Variants in NRXN3 observed in about 807,000 individuals in gnomAD.
NRXN3 encodes the protein neurexin 3.
A neutral mutation model predicts 137.6 loss-of-function variants in NRXN3; 32 were observed. The ratio of observed to expected loss-of-function variants is 0.23; its 90% CI spans 0.18 to 0.31. NRXN3 has a LOEUF of 0.31. NRXN3 is among the 10% of genes least tolerant of loss of function. The pLI, the probability that NRXN3 is intolerant of heterozygous loss-of-function variation, is 1.00. For missense variants in NRXN3, 1,574 were observed against 2,062.5 expected (o/e 0.76, Z 4.59); for synonymous variants, 798 against 784.5 (o/e 1.02, Z -0.29).
At chr14:79,619,264 G>A (rs2098195287) in intron 16 of NRXN3, among the ~76,000 whole-genome samples, 1 of 152,004 alleles carries the variant, frequency 6.6e-6, no homozygotes, top group African/African-American at 2.4e-5. Context: ...AGATTTAGTT[G>A]TGCATTCTTT....
At chr14:79,112,697 C>A (rs955004815) in intron 15 of NRXN3, among the ~76,000 whole-genome samples, 2 of 152,200 alleles carry the variant, frequency 1.3e-5, no homozygotes, top group African/African-American at 4.8e-5. Context: ...AGGCTAGTCT[C>A]TGGACTCTGT....
In NRXN3 at chr14:79,467,291, C is replaced by T. The variant is rs2096440565; in HGVS notation, c.3333C>T (p.Pro1111=). 1.2e-6 allele frequency: 2 copies of T among 1,613,456 alleles called. No individual in the cohort carries two copies. Among genetic ancestry groups the T allele is most frequent in the East Asian group, 2.2e-5 (1 of 44,844 alleles). Residue 1111 remains proline, a synonymous_variant, in exon 16 of 21, where the codon CCC becomes CCT. Transcript: ENST00000335750. ...ACACCTGGCCAGCCAATGACAGGCC[C>T]AGCACGCGGTCTGACCGCCTTGCCG... ...ILYTWPANDR[P]STRSDRLAVG... is the part of the protein sequence containing the mutation.
intron 19 of NRXN3, among the ~76,000 whole-genome samples, chr14:79,745,323 A>G (rs2098976349): frequency 6.6e-6 from 1 of 152,146 alleles, no homozygotes; most frequent in Admixed American, 6.6e-5. Context: ...ACATTCAGTG[A>G]ACAATAATAG....
intron 15 of NRXN3, among the ~76,000 whole-genome samples, chr14:79,263,008 T>A (rs1483064374): frequency 1.3e-5 from 2 of 152,194 alleles, no homozygotes; most frequent in African/African-American, 4.8e-5. Context: ...ATGCATGCTG[T>A]CTGTGGCCTG....
Position 79,192,767 on chromosome 14 carries a change from T to TC in NRXN3, c.3262+204626_3262+204627insC, listed in dbSNP as rs202202751. On this transcript the variant is annotated intron_variant, in intron 15 of 20. Coordinates refer to ENST00000335750, the MANE Select transcript of NRXN3 (RefSeq NM_001330195.2). ...AAAAGACATGTACAATTCTCTTAAT[T>TC]TTTTTTTTTTTTTTTTTTTTTGAGA... Among the ~76,000 whole-genome samples, 229 of 79,776 alleles carry TC rather than the reference T, an allele frequency of 2.9e-3. 5 individuals are homozygous for TC. The highest frequency in any genetic ancestry group is 3.6e-3 in the South Asian group (10 of 2,764). 52.3% of individuals were successfully genotyped at this position (79,776 alleles called of 152,430 possible). A position where few individuals can be genotyped will look rare whatever the true frequency, so the allele number is the denominator to read the frequency against.
chr14:79,682,639 C>T (rs1340191196), intron 17 of NRXN3, among the ~76,000 whole-genome samples: 1 of 152,144 alleles, frequency 6.6e-6, no homozygotes, highest in Non-Finnish European at 1.5e-5. Context: ...CTCTCTGATG[C>T]TTGCTTGTTG....
chr14:79,092,952 G>C (rs994698336), intron 15 of NRXN3, among the ~76,000 whole-genome samples: 28 of 152,162 alleles, frequency 1.8e-4, no homozygotes, highest in African/African-American at 6.5e-4. Flanking sequence ...GCAGATCCTA[G>C]AGTTGCGGGT....
At chr14:78,433,028 G>A (rs781259406) in intron 4 of NRXN3, among the ~76,000 whole-genome samples, 6 of 152,180 alleles carry the variant, frequency 3.9e-5, no homozygotes, top group Non-Finnish European at 8.8e-5. Flanking sequence ...AGCAAAAGCA[G>A]GCTTTGATGA....
chr14:78,433,602 T>C (rs929735835), intron 4 of NRXN3, among the ~76,000 whole-genome samples: 1 of 152,170 alleles, frequency 6.6e-6, no homozygotes, highest in East Asian at 1.9e-4. Context: ...TTAGTTATCA[T>C]TGAAGTAGGT....
At chr14:78,290,516 C>T (rs1481971172) in intron 3 of NRXN3, among the ~76,000 whole-genome samples, 5 of 152,086 alleles carry the variant, frequency 3.3e-5, no homozygotes, top group African/African-American at 9.7e-5. Context: ...CCTGTAATCG[C>T]AACTACTCAG....
chr14:78,474,494 G>T (rs990404540), intron 4 of NRXN3, among the ~76,000 whole-genome samples: 2 of 43,168 alleles, frequency 4.6e-5, no homozygotes, highest in African/African-American at 8.4e-5. Flanking sequence ...AACCCACTGT[G>T]CTGGCTCAAC....
chr14:79,034,839 T>C (rs1248753577), intron 15 of NRXN3, among the ~76,000 whole-genome samples: 1 of 152,168 alleles, frequency 6.6e-6, no homozygotes, highest in African/African-American at 2.4e-5. Context: ...TACAACATTC[T>C]CTTTGACTCT....
chr14:78,452,674 GA>G (rs1312456779), intron 4 of NRXN3, among the ~76,000 whole-genome samples: 1 of 152,246 alleles, frequency 6.6e-6, no homozygotes, highest in Non-Finnish European at 1.5e-5. Flanking sequence ...ACTAGTTCCT[GA>G]AAGCATGTAA....
intron 15 of NRXN3, among the ~76,000 whole-genome samples, chr14:79,059,548 C>T (rs572119078): frequency 1.3e-4 from 19 of 151,994 alleles, no homozygotes; most frequent in East Asian, 3.9e-4. Context: ...TGAGCCACCG[C>T]GCCTGGCCTC....
At chr14:78,275,336 G>A (rs1037358387) in intron 2 of NRXN3, among the ~76,000 whole-genome samples, 1 of 152,150 alleles carries the variant, frequency 6.6e-6, no homozygotes, top group East Asian at 1.9e-4. Context: ...AATAGGTATT[G>A]AATGGTGAAT....
At chr14:79,491,235 A>C (rs1392262698) in intron 16 of NRXN3, among the ~76,000 whole-genome samples, 1 of 152,134 alleles carries the variant, frequency 6.6e-6, no homozygotes, top group Non-Finnish European at 1.5e-5. Flanking sequence ...CAAAATTTGA[A>C]TCCATTTTGC....
intron 4 of NRXN3, among the ~76,000 whole-genome samples, chr14:78,420,906 A>G (rs537071284): frequency 1.3e-5 from 2 of 152,312 alleles, no homozygotes; most frequent in Non-Finnish European, 2.9e-5. Context: ...TGTTACCTCC[A>G]TGGGGCAAAG....
chr14:78,814,323 G>A (rs1039033102), intron 10 of NRXN3, among the ~76,000 whole-genome samples: 1 of 152,108 alleles, frequency 6.6e-6, no homozygotes, highest in Non-Finnish European at 1.5e-5. Context: ...ACTACTAAAG[G>A]AAAACAGAAC....
intron 15 of NRXN3, among the ~76,000 whole-genome samples, chr14:79,073,340 G>C (rs1450045495): frequency 2.6e-5 from 4 of 152,086 alleles, no homozygotes; most frequent in Non-Finnish European, 4.4e-5. Context: ...ACATGGCATT[G>C]AGGCATCTAG....
Sources: allele counts gnomAD v4.1 joint callset (sites outside exome capture counted in the v4.1 genomes callset), GRCh38; gene constraint gnomAD v4.1.1; transcripts MANE v1.5; gene names NCBI Gene and HGNC (gene_info 2026-07-23, HGNC 2026-07-21).